The following SNX8 variants were observed in gnomAD, a reference collection of about 807,000 sequenced individuals.
SNX8 encodes sorting nexin-8.
A neutral mutation model predicts 51.6 loss-of-function variants in SNX8; 25 were observed. The observed-to-expected ratio is 0.48, with a 90% CI of 0.35 to 0.68. The LOEUF (loss-of-function observed/expected upper bound fraction) is 0.68. Ranked by LOEUF, SNX8 falls within the 30% of genes least tolerant of loss-of-function variation. SNX8 has a pLI of 0.00. For missense variants in SNX8, 695 were observed against 624.0 expected (o/e 1.11, Z -1.21); for synonymous variants, 324 against 277.0 (o/e 1.17, Z -1.68).
chr7:2,312,449 G>A (rs892880547), intron 1 of SNX8, among the ~76,000 whole-genome samples: 1 of 152,118 alleles, frequency 6.6e-6, no homozygotes, highest in Admixed American at 6.6e-5. Flanking sequence ...TGAGACTCAC[G>A]CTGGCCTCCA....
In SNX8 at chr7:2,314,397, G is replaced by C. The variant is rs1796719899; in HGVS notation, c.25C>G (p.Leu9Val). The change falls in exon 1 of 11, where the codon CTG becomes GTG. Residue 9 changes from leucine (L) to valine (V), a missense_variant. Physicochemically the swap from Leu to Val is conservative, Grantham distance 32 (BLOSUM62 1). Coordinates refer to ENST00000222990, the MANE Select transcript of SNX8 (RefSeq NM_013321.4). The stretch of plus-strand genomic sequence containing the variant: ...GCCGCCCCGACTGCAGCCGCGGGCA[G>C]CGGGTCCATCGCGCGGCCAGTCATG... MTGRAMDP[L>V]PAAAVGAAAE... The C allele has an allele frequency of 8.2e-7, 1 of 1,220,214 alleles. No individual in the cohort carries two copies. Among genetic ancestry groups the C allele is most frequent in the African/African-American group, 1.6e-5 (1 of 63,960 alleles). The allele number at this position is 1,220,214 out of a possible 1,614,324, so 75.6% of individuals were successfully genotyped here. A position where few individuals can be genotyped will look rare whatever the true frequency, so the allele number is the denominator to read the frequency against.
intron 1 of SNX8, among the ~76,000 whole-genome samples, chr7:2,332,480 T>G (rs1422611155): frequency 6.6e-6 from 1 of 151,920 alleles, no homozygotes; most frequent in Non-Finnish European, 1.5e-5. Flanking sequence ...GAAGGCTGGG[T>G]GCGGTGGCTG....
chr7:2,273,513 C>G (rs1332843667), intron 3 of SNX8, among the ~76,000 whole-genome samples: 36 of 141,566 alleles, frequency 2.5e-4, no homozygotes, highest in Middle Eastern at 8.8e-3. Flanking sequence ...GTGAACCCGG[C>G]AGGCGGAGCT....
chr7:2,326,146 A>T (rs905779789), intron 1 of SNX8, among the ~76,000 whole-genome samples: 1 of 145,190 alleles, frequency 6.9e-6, no homozygotes, highest in African/African-American at 2.6e-5. Context: ...CTGAGTTGGG[A>T]GGAATTCAGG....
chr7:2,251,844 G>C lies in SNX8; in HGVS notation c.*3212C>G, dbSNP rs899511264. ...ATGTGTAAACAATTCCAGTTGTTGG[G>C]TATATTGGGTATTGATCCCTGCAGC... is the stretch of plus-strand genomic sequence containing the variant. On this transcript the variant is annotated 3_prime_UTR_variant, in exon 11 of 11. Coordinates refer to ENST00000222990, the MANE Select transcript of SNX8 (RefSeq NM_013321.4). 1 of 152,414 alleles carries C rather than the reference G, an allele frequency of 6.6e-6. No homozygotes were observed. The highest frequency in any genetic ancestry group is 1.5e-5 in the Non-Finnish European group (1 of 68,216). 9.4% of individuals were successfully genotyped at this position (152,414 alleles called of 1,614,324 possible).
intron 1 of SNX8, among the ~76,000 whole-genome samples, chr7:2,326,672 A>T (rs563483348): frequency 1.6e-4 from 25 of 152,242 alleles, no homozygotes; most frequent in Non-Finnish European, 2.8e-4. Context: ...TCTCAAAAAA[A>T]AATAATAATA....
chr7:2,301,703 C>A (rs551250384), intron 1 of SNX8, among the ~76,000 whole-genome samples: 10 of 152,274 alleles, frequency 6.6e-5, no homozygotes, highest in Middle Eastern at 3.4e-3. Context: ...ACTGACATGG[C>A]CCACTGGCAG....
chr7:2,318,090 G>A (rs1412904871), upstream of SNX8, among the ~76,000 whole-genome samples: 1 of 152,090 alleles, frequency 6.6e-6, no homozygotes, highest in Non-Finnish European at 1.5e-5. Context: ...GTGTTGCCCA[G>A]GCTGGACTGT....
intron 1 of SNX8, among the ~76,000 whole-genome samples, chr7:2,328,486 C>T (rs1004571416): frequency 6.6e-6 from 1 of 152,164 alleles, no homozygotes; most frequent in East Asian, 1.9e-4. Flanking sequence ...GCCATCATGC[C>T]CAACCATTGA....
intron 1 of SNX8, among the ~76,000 whole-genome samples, chr7:2,341,547 C>A (rs1778926274): frequency 6.6e-6 from 1 of 151,766 alleles, no homozygotes; most frequent in South Asian, 2.1e-4. Flanking sequence ...TGGCTTACAC[C>A]CACAGTCCTA....
At position 2,256,861 on chromosome 7, in the gene SNX8, A is replaced by T; in HGVS notation, c.1284+13T>A. ...CCGTGGCCGAGACGGCGGCCGGAGC[A>T]GGGCGGACTCACCTCCTTGTGCCCT... On this transcript the variant is annotated intron_variant, in intron 10 of 10. Transcript: ENST00000222990. 6.2e-7 allele frequency: 1 copy of T among 1,605,554 alleles called. No individual in the cohort carries two copies. The highest frequency in any genetic ancestry group is 8.5e-7 in the Non-Finnish European group (1 of 1,175,238).
rs536743318 is a variant in SNX8 at position 2,324,159 on chromosome 7, T to A, written c.-66+30063A>T. Among the ~76,000 whole-genome samples, 360 of 151,936 alleles carry A rather than the reference T, an allele frequency of 2.4e-3. 2 individuals are homozygous for A. The highest frequency in any genetic ancestry group is 2.7e-3 in the Non-Finnish European group (182 of 67,972). ...ATTTATAAAAAAAGAATGTATCTCA[T>A]CCTGGCCGGGGGCAGTGGCTCACGT... On this transcript the variant is annotated intron_variant, in intron 1 of 5. Transcript: ENST00000435336.
At chr7:2,271,778 G>T in intron 4 of SNX8, 72 bp downstream of exon 4, 1 of 1,526,348 alleles carries the variant, frequency 6.6e-7, no homozygotes, top group Non-Finnish European at 8.9e-7. Context: ...CCACACCTGA[G>T]AGAGGAAAAG....
chr7:2,318,710 AT>A (rs1324620193), upstream of SNX8, among the ~76,000 whole-genome samples: 5 of 151,496 alleles, frequency 3.3e-5, no homozygotes, highest in African/African-American at 1.2e-4. Flanking sequence ...AAAAAAAAAA[AT>A]TTAAAATTAA....
chr7:2,275,169 G>C lies in SNX8; in HGVS notation c.361C>G (p.Leu121Val). Residue 121 changes from leucine (L) to valine (V), a missense_variant, in exon 3 of 11, where the codon CTG becomes GTG. Transcript: ENST00000222990. ...NDFVVFQEML[L>V]HKFPYRMVPA... ...ACCATACGGTAGGGGAACTTGTGCAGGAGCATCTCCTGGAAGACCACGAAG... is the reference window on the plus strand; with the variant it reads ...ACCATACGGTAGGGGAACTTGTGCACGAGCATCTCCTGGAAGACCACGAAG... 6.2e-7 allele frequency: 1 copy of C among 1,614,218 alleles called. No individual in the cohort carries two copies. Among genetic ancestry groups the C allele is most frequent in the South Asian group, 1.1e-5 (1 of 91,086 alleles).
chr7:2,346,238 G>A (rs1025678698), intron 1 of SNX8, among the ~76,000 whole-genome samples: 1 of 83,940 alleles, frequency 1.2e-5, no homozygotes, highest in African/African-American at 5.1e-5. Flanking sequence ...GAGGACTTGA[G>A]CCCAGAAGTT....
intron 2 of SNX8, among the ~76,000 whole-genome samples, chr7:2,277,174 A>G (rs1795799717): frequency 6.6e-6 from 1 of 152,190 alleles, no homozygotes; most frequent in Admixed American, 6.5e-5. Context: ...AGGATGAACA[A>G]TGAAAACTCC....
chr7:2,347,885 C>T (rs1562465932), intron 1 of SNX8, among the ~76,000 whole-genome samples: 2 of 108,764 alleles, frequency 1.8e-5, no homozygotes, highest in Admixed American at 1.0e-4. Context: ...CTCAGGTGAT[C>T]TGCCCGCTTC....
chr7:2,348,662 C>G (rs1235559007), intron 1 of SNX8, among the ~76,000 whole-genome samples: 3 of 151,248 alleles, frequency 2.0e-5, no homozygotes, highest in Non-Finnish European at 4.4e-5. Flanking sequence ...TCAGGGTTAC[C>G]CAGCCAGTGG....
Sources: allele counts gnomAD v4.1 joint callset (sites outside exome capture counted in the v4.1 genomes callset), GRCh38; gene constraint gnomAD v4.1.1; transcripts MANE v1.5; gene names NCBI Gene and HGNC (gene_info 2026-07-23, HGNC 2026-07-21).